EPS15: variants seen among roughly 807,000 people sequenced by gnomAD.
The protein encoded by EPS15 is epidermal growth factor receptor substrate 15.
EPS15 carries 72 observed loss-of-function variants against 113.8 expected under a neutral mutation model. That is an observed-to-expected ratio of 0.63 (90% CI 0.52 to 0.77). The LOEUF (loss-of-function observed/expected upper bound fraction) is 0.77. EPS15 is among the 30% of genes least tolerant of loss of function. The probability of loss-of-function intolerance (pLI) is 0.00; values close to 1 mark genes in which losing one functional copy is unlikely to be tolerated. For missense variants in EPS15, 1,048 were observed against 1,045.8 expected, an observed-to-expected ratio of 1.00 and a Z score of -0.03; for synonymous variants, 344 against 363.4, an observed-to-expected ratio of 0.95 and a Z score of 0.61.
At chr1:51,458,264 C>A (rs1359680896) in intron 8 of EPS15, 2 of 147,936 alleles carry the variant, frequency 1.4e-5, no homozygotes, top group Non-Finnish European at 3.0e-5. Flanking sequence ...TAATTTCCTA[C>A]AAATGTATTT....
Position 51,440,395 on chromosome 1 carries a change from G to T in EPS15, c.992C>A (p.Ala331Asp). ...GTTAAGAGTATCTAGTTCCTTAATAGCAGAGAAATCTGCAACAGGACTTGA... is the reference window on the plus strand; with the variant it reads ...GTTAAGAGTATCTAGTTCCTTAATATCAGAGAAATCTGCAACAGGACTTGA... ...IGSSPVADFS[A>D]IKELDTLNNE... The change falls in exon 12 of 25, where the codon GCT (alanine) becomes GAT (aspartate). Residue 331 changes from alanine to aspartate, a missense_variant. Physicochemically the swap from Ala to Asp is moderately radical, Grantham distance 126. Coordinates refer to ENST00000371733, the MANE Select transcript of EPS15 (RefSeq NM_001981.3). The T allele has an allele frequency of 6.3e-7, 1 of 1,587,158 alleles. No individual in the cohort carries two copies.
chr1:51,492,409 T>TA (rs1186266626), intron 1 of EPS15, among the ~76,000 whole-genome samples: 3 of 152,142 alleles, frequency 2.0e-5, no homozygotes, highest in Admixed American at 6.5e-5. Context: ...AAAATCCAGA[T>TA]AAAAAAATAT....
At chr1:51,431,263 T>C (rs1033170012) in intron 12 of EPS15, among the ~76,000 whole-genome samples, 27 of 152,070 alleles carry the variant, frequency 1.8e-4, no homozygotes, top group Non-Finnish European at 3.5e-4. Context: ...AGACTGGCTG[T>C]TTTTAATGGG....
intron 7 of EPS15, 157 bp downstream of exon 7, chr1:51,463,516 A>G: frequency 2.0e-6 from 1 of 496,596 alleles, no homozygotes; most frequent in East Asian, 3.1e-5. Context: ...GCTGGCAATA[A>G]TTTTATACAT....
chr1:51,490,129 A>T (rs552786989), intron 1 of EPS15, among the ~76,000 whole-genome samples: 32 of 152,326 alleles, frequency 2.1e-4, no homozygotes, highest in Admixed American at 1.7e-3. Flanking sequence ...GAATTGTCTC[A>T]TATGGAATTT....
chr1:51,463,505 T>C, intron 7 of EPS15, 168 bp downstream of exon 7: 1 of 479,440 alleles, frequency 2.1e-6, no homozygotes, highest in Non-Finnish European at 3.7e-6. Flanking sequence ...TACAGAAATA[T>C]GCTGGCAATA....
At chr1:51,386,249 G>C (rs1416086095) in intron 21 of EPS15, among the ~76,000 whole-genome samples, 2 of 152,066 alleles carry the variant, frequency 1.3e-5, no homozygotes, top group South Asian at 4.1e-4. Flanking sequence ...ATTTCTAATA[G>C]GATGAAAAGG....
chr1:51,414,416 C>CAA (rs879744964), intron 13 of EPS15, among the ~76,000 whole-genome samples: 7 of 131,354 alleles, frequency 5.3e-5, no homozygotes, highest in African/African-American at 1.7e-4. Context: ...AACTCCATCT[C>CAA]AAAAAAAAAA....
At chr1:51,363,788 A>G (rs1450738887) in intron 23 of EPS15, 78 bp downstream of exon 23, 6 of 1,348,964 alleles carry the variant, frequency 4.4e-6, no homozygotes, top group Non-Finnish European at 6.0e-6. Context: ...AGCCATTTAT[A>G]TAAGTAAGTT....
intron 21 of EPS15, among the ~76,000 whole-genome samples, chr1:51,377,019 A>T (rs1040946277): frequency 2.0e-5 from 3 of 151,836 alleles, no homozygotes; most frequent in African/African-American, 7.3e-5. Context: ...TAATCCCAGC[A>T]CTTTGGGAGG....
chr1:51,428,661 C>T (rs144658702), intron 12 of EPS15, among the ~76,000 whole-genome samples: 9,401 of 151,470 alleles, frequency 0.062, 309 homozygotes, highest in Non-Finnish European at 0.075. Flanking sequence ...ACCCTGTCTC[C>T]ACTAAAAATA....
At chr1:51,439,524 C>T (rs1305400135) in intron 12 of EPS15, among the ~76,000 whole-genome samples, 1 of 151,998 alleles carries the variant, frequency 6.6e-6, no homozygotes, top group Non-Finnish European at 1.5e-5. Flanking sequence ...ATACAGTGCC[C>T]TGTAGACAGA....
intron 11 of EPS15, among the ~76,000 whole-genome samples, chr1:51,441,183 T>C (rs866173038): frequency 6.6e-6 from 1 of 152,088 alleles, no homozygotes; most frequent in Non-Finnish European, 1.5e-5. Context: ...TTGCCCACTT[T>C]ACAAGTTAAA....
At chr1:51,489,630 A>G (rs1644195830) in intron 1 of EPS15, among the ~76,000 whole-genome samples, 1 of 152,090 alleles carries the variant, frequency 6.6e-6, no homozygotes, top group African/African-American at 2.4e-5. Context: ...GTATACACAG[A>G]GTATATAGCC....
At chr1:51,492,929 T>TA (rs1449092495) in intron 1 of EPS15, among the ~76,000 whole-genome samples, 3 of 152,160 alleles carry the variant, frequency 2.0e-5, no homozygotes, top group African/African-American at 7.2e-5. Flanking sequence ...CTTCTTGTTT[T>TA]AAAAAACAAA....
At position 51,465,245 on chromosome 1, in the gene EPS15, TAC is replaced by T. The variant is rs748173609; in HGVS notation, c.375+14_375+15del. ...AGCAATGAAGGGGTGAGAGAATAGT[TAC>T]AAAGTTTACTTACTTTTACAGCCCA... On this transcript the variant is annotated intron_variant, in intron 6 of 24. Transcript: ENST00000371733. 5.1e-6 allele frequency: 8 copies of T among 1,562,172 alleles called. No individual in the cohort carries two copies. Among genetic ancestry groups the T allele is most frequent in the Non-Finnish European group, 7.0e-6 (8 of 1,136,460 alleles).
At chr1:51,491,926 G>C (rs892224381) in intron 1 of EPS15, among the ~76,000 whole-genome samples, 16 of 150,330 alleles carry the variant, frequency 1.1e-4, no homozygotes, top group Admixed American at 6.6e-5. Context: ...GAGTGCAGTG[G>C]CACAATCTCC....
At chr1:51,383,034 C>G (rs533287459) in intron 21 of EPS15, among the ~76,000 whole-genome samples, 1 of 152,292 alleles carries the variant, frequency 6.6e-6, no homozygotes, top group East Asian at 1.9e-4. Context: ...ACACCATGTC[C>G]AAGTGGGATT....
At chr1:51,493,938 T>C (rs906474332) in intron 1 of EPS15, among the ~76,000 whole-genome samples, 2 of 151,962 alleles carry the variant, frequency 1.3e-5, no homozygotes, top group African/African-American at 4.8e-5. Context: ...TTCAACTAAA[T>C]TACTCTCTCC....
Sources: gnomAD v4.1 joint callset for allele counts (sites outside exome capture counted in the v4.1 genomes callset) on GRCh38, gnomAD v4.1.1 for gene constraint, MANE v1.5 for transcripts, NCBI Gene and HGNC (gene_info 2026-07-23, HGNC 2026-07-21) for gene names.